The following MAK variants were observed in gnomAD, a reference collection of about 807,000 sequenced individuals.
MAK encodes the protein male germ cell associated kinase.
A neutral mutation model predicts 82.6 loss-of-function variants in MAK; 65 were observed. The observed-to-expected ratio is 0.79, with a 90% CI of 0.64 to 0.97. The LOEUF is 0.97. Among genes scored for constraint, MAK ranks in the 50% least tolerant of loss-of-function variants. The pLI, the probability that MAK is intolerant of heterozygous loss-of-function variation, is 0.00. For synonymous variants in MAK, 250 were observed against 274.2 expected, an observed-to-expected ratio of 0.91 and a Z score of 0.87; for missense variants, 703 against 780.2, an observed-to-expected ratio of 0.90 and a Z score of 1.18.
chr6:10,819,068 A>C, intron 2 of MAK, 128 bp from the exon 3 acceptor site: 1 of 681,890 alleles, frequency 1.5e-6, no homozygotes, highest in Non-Finnish European at 2.7e-6. Flanking sequence ...CCTCATCCTT[A>C]TAAGGAAATC....
At chr6:10,812,908 C>G (rs1433619695) in intron 5 of MAK, among the ~76,000 whole-genome samples, 1 of 149,584 alleles carries the variant, frequency 6.7e-6, no homozygotes, top group East Asian at 2.0e-4. Context: ...GGATTATAGG[C>G]GCGCGCCACC....
intron 1 of MAK, among the ~76,000 whole-genome samples, chr6:10,832,104 C>T (rs1032795260): frequency 1.3e-5 from 2 of 152,078 alleles, no homozygotes; most frequent in African/African-American, 4.8e-5. Flanking sequence ...GTGCCCACCC[C>T]GACCCCCAGT....
In MAK at chr6:10,800,189, C is replaced by T. The variant is rs1416042593; in HGVS notation, c.831+1703G>A. ...GCTGAGGCAGGAGAATCGCCTGAAC[C>T]CAGGAGGCGGAGGTTGCAGTGAGTG... is the stretch of plus-strand genomic sequence containing the variant. On this transcript the variant is annotated intron_variant, in intron 8 of 14. Coordinates refer to ENST00000354489, the MANE Select transcript of MAK (RefSeq NM_001242957.3). This position sits in a 1 kb window ranked among gnomAD's most constrained non-coding sequence, Gnocchi z 4.2. Among the ~76,000 whole-genome samples, 1 of 151,962 alleles carries T rather than the reference C, an allele frequency of 6.6e-6. No homozygotes were observed. The highest frequency in any genetic ancestry group is 2.4e-5 in the African/African-American group (1 of 41,386).
At chr6:10,807,139 T>C (rs1241814193) in intron 6 of MAK, among the ~76,000 whole-genome samples, 1 of 151,906 alleles carries the variant, frequency 6.6e-6, no homozygotes, top group African/African-American at 2.4e-5. Flanking sequence ...AGAATTCACG[T>C]GTGGCGTGCA....
At chr6:10,811,040 C>T (rs975140760) in intron 5 of MAK, among the ~76,000 whole-genome samples, 1 of 151,980 alleles carries the variant, frequency 6.6e-6, no homozygotes, top group Non-Finnish European at 1.5e-5. Context: ...GCTCTGTCAC[C>T]CAGGCTGGAG....
At chr6:10,783,435 C>A (rs1290130941) in intron 11 of MAK, among the ~76,000 whole-genome samples, 1 of 152,144 alleles carries the variant, frequency 6.6e-6, no homozygotes, top group Non-Finnish European at 1.5e-5. Context: ...ATCTTCTCCT[C>A]TTCTAATCTT....
chr6:10,806,053 T>C lies in MAK; in HGVS notation c.492-2162A>G, dbSNP rs146128549. On this transcript the variant is annotated intron_variant, in intron 6 of 14. Transcript: ENST00000354489. ...CTGTTCTCACGTAGTGAATGAGTTC[T>C]TTTTCAGGCAAGATGAAATTAGTTC... is the stretch of plus-strand genomic sequence containing the variant. Among the ~76,000 whole-genome samples, 334 of 152,286 alleles carry C rather than the reference T, an allele frequency of 2.2e-3. 3 individuals are homozygous for C. Among genetic ancestry groups the C allele is most frequent in the African/African-American group, 7.2e-3 (301 of 41,566 alleles).
chr6:10,803,021 A>G (rs1776135927), intron 7 of MAK, among the ~76,000 whole-genome samples: 1 of 152,238 alleles, frequency 6.6e-6, no homozygotes, highest in Non-Finnish European at 1.5e-5. Context: ...ACAAGGTTCA[A>G]GACACCAGGG....
chr6:10,837,927 G>C (rs693646), intron 1 of MAK: 125,266 of 152,186 alleles, frequency 0.82, 52,082 homozygotes, highest in African/African-American at 0.92. Context: ...GGGGGGGACG[G>C]GGGTGTGCGG....
At chr6:10,773,166 G>T in intron 12 of MAK, 58 bp from the exon 13 acceptor site, 1 of 1,005,646 alleles carries the variant, frequency 9.9e-7, no homozygotes, top group Non-Finnish European at 1.4e-6. Context: ...TATAGGAAAA[G>T]CAGAGAAAAA....
intron 14 of MAK, among the ~76,000 whole-genome samples, chr6:10,768,286 A>G (rs1350342668): frequency 6.6e-6 from 1 of 152,228 alleles, no homozygotes; most frequent in Non-Finnish European, 1.5e-5. Context: ...TATTAAAAAT[A>G]TAAAATGTGG....
intron 2 of MAK, among the ~76,000 whole-genome samples, chr6:10,825,466 G>T (rs183505922): frequency 1.8e-4 from 28 of 151,930 alleles, no homozygotes; most frequent in African/African-American, 5.1e-4. Flanking sequence ...GTTTCTCGGT[G>T]CCCTAAATGA....
At chr6:10,830,124 C>CGTGTGTGTGTGTGTGTGTGT (rs35519970) in intron 2 of MAK, among the ~76,000 whole-genome samples, 4 of 141,500 alleles carry the variant, frequency 2.8e-5, no homozygotes, top group Admixed American at 7.1e-5. Flanking sequence ...CCTGTGTGCA[C>CGTGTGTGTGTGTGTGTGTGT]GTGTGTGTGT....
chr6:10,797,991 T>G, intron 8 of MAK: 2 of 1,056,056 alleles, frequency 1.9e-6, no homozygotes, highest in Non-Finnish European at 2.3e-6. Context: ...ACTCAAATTC[T>G]GAATTAAGTC....
intron 11 of MAK, among the ~76,000 whole-genome samples, chr6:10,779,156 A>C (rs1773732130): frequency 6.8e-6 from 1 of 148,028 alleles, no homozygotes; most frequent in Non-Finnish European, 1.5e-5. Context: ...AAAAAAAAAG[A>C]AGTGCTATGG....
intron 11 of MAK, chr6:10,779,604 T>C (rs1773777956): frequency 1.4e-5 from 3 of 220,104 alleles, no homozygotes; most frequent in South Asian, 1.6e-4. Context: ...CCAAAAGATA[T>C]TAGTATTTTT....
intron 10 of MAK, among the ~76,000 whole-genome samples, chr6:10,788,632 A>G (rs1012327847): frequency 5.9e-5 from 9 of 152,254 alleles, no homozygotes; most frequent in African/African-American, 2.2e-4. Flanking sequence ...GCTACTAAGG[A>G]GACTGAGACA....
At chr6:10,802,282 A>C in intron 7 of MAK, 1 of 511,498 alleles carries the variant, frequency 2.0e-6, no homozygotes, top group Non-Finnish European at 3.4e-6. Flanking sequence ...TGCGAAAAGC[A>C]CTTTTATAGC....
chr6:10,816,024 A>G (rs141173708), intron 4 of MAK, among the ~76,000 whole-genome samples: 2,124 of 148,546 alleles, frequency 0.014, 52 homozygotes, highest in African/African-American at 0.051. Context: ...ATCTTGGCTC[A>G]CTGCAACCTC....
Sources: gnomAD v4.1 joint callset for allele counts (sites outside exome capture counted in the v4.1 genomes callset) on GRCh38, gnomAD v4.1.1 for gene constraint, Gnocchi (gnomAD v3.1) non-coding constraint, MANE v1.5 for transcripts, NCBI Gene and HGNC (gene_info 2026-07-23, HGNC 2026-07-21) for gene names.